Variants in SPRED2 observed in about 807,000 individuals in gnomAD.
SPRED2 encodes sprouty-related, EVH1 domain-containing protein 2.
A neutral mutation model predicts 43.0 loss-of-function variants in SPRED2; 47 were observed. That is an observed-to-expected ratio of 1.09 (90% CI 0.87 to 1.40). SPRED2 has a LOEUF of 1.40. Ranked by LOEUF, SPRED2 falls within the 40% of genes most tolerant of loss-of-function variation. The pLI is 0.00. For synonymous variants in SPRED2, 225 were observed against 225.7 expected, an observed-to-expected ratio of 1.00 and a Z score of 0.03; for missense variants, 561 against 586.4, an observed-to-expected ratio of 0.96 and a Z score of 0.45.
rs138385981 is a variant in SPRED2 at position 65,313,950 on chromosome 2, C to T, written c.808G>A (p.Asp270Asn). The change falls in exon 6 of 6, where the codon GAC becomes AAC. Residue 270 changes from aspartate (D) to asparagine (N), a missense_variant. Coordinates refer to ENST00000356388, the MANE Select transcript of SPRED2 (RefSeq NM_181784.3). ...PKHDYNYPYV[D>N]SSDFGLGEDP... ...TCGCCTAGGCCAAAGTCTGAGGAGT[C>T]CACGTAGGGGTAGTTGTAGTCATGC... is the stretch of plus-strand genomic sequence containing the variant. 63 of 1,612,060 alleles carry T rather than the reference C, an allele frequency of 3.9e-5. 1 individual carries two copies. The African/African-American group carries it at 6.8e-4, about 17-fold the overall frequency.
intron 1 of SPRED2, among the ~76,000 whole-genome samples, chr2:65,376,055 G>A (rs181870791): frequency 1.3e-5 from 2 of 152,290 alleles, no homozygotes; most frequent in Non-Finnish European, 2.9e-5. Context: ...AGACTGGGGT[G>A]GGAGAGGAGG....
intron 1 of SPRED2, among the ~76,000 whole-genome samples, chr2:65,379,217 TG>T (rs1675314000): frequency 6.6e-6 from 1 of 152,152 alleles, no homozygotes; most frequent in African/African-American, 2.4e-5. Flanking sequence ...AGTGTTCCAT[TG>T]AGTGTTCCCC....
intron 1 of SPRED2, among the ~76,000 whole-genome samples, chr2:65,428,824 T>C (rs998412872): frequency 1.6e-4 from 25 of 152,232 alleles, no homozygotes; most frequent in African/African-American, 4.6e-4. Flanking sequence ...AAACCATTCA[T>C]AGCCATGATC....
intron 1 of SPRED2, among the ~76,000 whole-genome samples, chr2:65,365,852 A>G (rs1348768369): frequency 6.6e-6 from 1 of 152,220 alleles, no homozygotes; most frequent in East Asian, 1.9e-4. Flanking sequence ...GTTTAAATTT[A>G]GTGGGTGAAG....
At chr2:65,336,904 C>G (rs1025394556) in intron 2 of SPRED2, among the ~76,000 whole-genome samples, 1 of 152,142 alleles carries the variant, frequency 6.6e-6, no homozygotes, top group African/African-American at 2.4e-5. Flanking sequence ...GTCAGGAGAT[C>G]GAGACCATCG....
intron 1 of SPRED2, among the ~76,000 whole-genome samples, chr2:65,404,585 T>C (rs936784280): frequency 2.0e-5 from 3 of 152,216 alleles, no homozygotes; most frequent in African/African-American, 7.2e-5. Context: ...CTTGAGCCTC[T>C]ATTATGCCAG....
At chr2:65,330,105 C>T (rs1342120513) in intron 4 of SPRED2, among the ~76,000 whole-genome samples, 1 of 152,232 alleles carries the variant, frequency 6.6e-6, no homozygotes, top group Non-Finnish European at 1.5e-5. Context: ...CCTCCCTCAT[C>T]TCTCAACCAG....
At chr2:65,317,231 G>C (rs1418800398) in intron 4 of SPRED2, among the ~76,000 whole-genome samples, 3 of 152,210 alleles carry the variant, frequency 2.0e-5, no homozygotes, top group Non-Finnish European at 4.4e-5. Context: ...TGGTTACCCT[G>C]GCCAGGCGCG....
rs1673130124 is a variant in SPRED2 at position 65,313,487 on chromosome 2, G to A, written c.*14C>T. On this transcript the variant is annotated 3_prime_UTR_variant, in exon 6 of 6. Transcript: ENST00000356388. ...CTGTGGCTGCGGATGGAGGGAGAAG[G>A]GAGGGAAACTGAGTCACGCGGCCGC... 1.9e-6 allele frequency: 3 copies of A among 1,585,884 alleles called. No individual in the cohort carries two copies. Among genetic ancestry groups the A allele is most frequent in the Non-Finnish European group, 1.7e-6 (2 of 1,166,704 alleles).
intron 4 of SPRED2, among the ~76,000 whole-genome samples, chr2:65,329,922 G>A (rs1343364987): frequency 1.3e-5 from 2 of 152,174 alleles, no homozygotes; most frequent in Non-Finnish European, 2.9e-5. Context: ...TGCACACTCA[G>A]TTCAAGTCAG....
In SPRED2 at chr2:65,432,158, G is replaced by T; in HGVS notation, c.-171C>A. 2.5e-6 allele frequency: 2 copies of T among 791,106 alleles called. No individual in the cohort carries two copies. The highest frequency in any genetic ancestry group is 2.7e-5 in the East Asian group (1 of 36,844). The allele number at this position is 791,106 out of a possible 1,614,324, so 49.0% of individuals were successfully genotyped here. A position where few individuals can be genotyped will look rare whatever the true frequency, so the allele number is the denominator to read the frequency against. On this transcript the variant is annotated 5_prime_UTR_variant, in exon 1 of 6. Coordinates refer to ENST00000356388, the MANE Select transcript of SPRED2 (RefSeq NM_181784.3). Reference sequence around the variant, plus strand: ...GAAGGGGAAGCAGGGCGCGGGATAGGGTTTGGGGGAAGGGGTGCAAAGGCA... The same window carrying T: ...GAAGGGGAAGCAGGGCGCGGGATAGTGTTTGGGGGAAGGGGTGCAAAGGCA...
At chr2:65,366,732 C>T (rs1041179724) in intron 1 of SPRED2, 2 of 1,496,026 alleles carry the variant, frequency 1.3e-6, no homozygotes, top group Non-Finnish European at 1.8e-6. Context: ...TGGTTTCCCC[C>T]ATATATGATT....
intron 2 of SPRED2, among the ~76,000 whole-genome samples, chr2:65,342,277 C>CGTATATTATGTATGTATATTTTGTATAT (rs1674211456): frequency 2.3e-5 from 3 of 132,090 alleles, no homozygotes; most frequent in African/African-American, 5.9e-5. Flanking sequence ...ATTTTGTATA[C>CGTATATTATGTATGTATATTTTGTATAT]GTATATTATG....
At chr2:65,308,560 T>A (rs181370352), downstream of SPRED2, 11 of 985,456 alleles carry the variant, frequency 1.1e-5, no homozygotes, top group South Asian at 5.2e-4. Context: ...GAGTTCCTGA[T>A]GTTTCCTCAG....
intron 1 of SPRED2, among the ~76,000 whole-genome samples, chr2:65,346,166 G>A (rs765323811): frequency 1.1e-4 from 16 of 152,028 alleles, no homozygotes; most frequent in Non-Finnish European, 1.9e-4. Context: ...GTGCCCCACA[G>A]CCCTGCTCAC....
At chr2:65,366,395 T>C (rs1478071473) in intron 1 of SPRED2, among the ~76,000 whole-genome samples, 1 of 152,190 alleles carries the variant, frequency 6.6e-6, no homozygotes. Flanking sequence ...AAGAGCTCTG[T>C]GTCTATCAAC....
chr2:65,377,485 C>A, intron 1 of SPRED2: 1 of 436,766 alleles, frequency 2.3e-6, no homozygotes, highest in Admixed American at 2.4e-5. Flanking sequence ...AAAGCCTCAT[C>A]ACCCATTAAA....
intron 1 of SPRED2, among the ~76,000 whole-genome samples, chr2:65,409,692 A>C (rs1292611403): frequency 2.5e-4 from 7 of 27,766 alleles, no homozygotes; most frequent in Non-Finnish European, 4.8e-4. Context: ...AGTTTCCTGC[A>C]AAAAAAAAAA....
chr2:65,327,801 G>A (rs1292992212), intron 4 of SPRED2, among the ~76,000 whole-genome samples: 1 of 127,616 alleles, frequency 7.8e-6, no homozygotes, highest in Non-Finnish European at 1.6e-5. Context: ...TCGGCTCACT[G>A]CAACCTCCGC....
Sources: gnomAD v4.1 joint callset for allele counts (sites outside exome capture counted in the v4.1 genomes callset) on GRCh38, gnomAD v4.1.1 for gene constraint, MANE v1.5 for transcripts, NCBI Gene and HGNC (gene_info 2026-07-23, HGNC 2026-07-21) for gene names.